Variants in ZMAT4 observed in about 807,000 individuals in gnomAD.
ZMAT4 encodes zinc finger matrin-type 4.
In ZMAT4, 17 loss-of-function variants were observed where a neutral mutation model predicts 28.7. That is an observed-to-expected ratio of 0.59 (90% confidence interval 0.41 to 0.89). The LOEUF is 0.89. Among genes scored for constraint, ZMAT4 ranks in the 40% least tolerant of loss-of-function variants. The probability of loss-of-function intolerance (pLI) is 0.00; values close to 1 mark genes in which losing one functional copy is unlikely to be tolerated. For missense variants in ZMAT4, 240 were observed against 283.8 expected (o/e 0.85, Z 1.11); for synonymous variants, 117 against 109.2 (o/e 1.07, Z -0.44).
intron 2 of ZMAT4, among the ~76,000 whole-genome samples, chr8:40,815,651 C>G (rs1815503972): frequency 6.6e-6 from 1 of 152,172 alleles, no homozygotes; most frequent in Non-Finnish European, 1.5e-5. Flanking sequence ...GAGCTCAGGA[C>G]CTAGGAGACA....
chr8:40,687,464 A>C (rs1302902931), intron 4 of ZMAT4, among the ~76,000 whole-genome samples: 1 of 152,192 alleles, frequency 6.6e-6, no homozygotes, highest in Non-Finnish European at 1.5e-5. Flanking sequence ...AATGAGAAAG[A>C]GTTAAATAGA....
intron 5 of ZMAT4, among the ~76,000 whole-genome samples, chr8:40,605,070 C>T (rs1805533583): frequency 6.6e-6 from 1 of 152,128 alleles, no homozygotes; most frequent in Non-Finnish European, 1.5e-5. Context: ...GAACTTCTCT[C>T]TTATTTTCTT....
At chr8:40,733,774 A>C (rs555558792) in intron 3 of ZMAT4, among the ~76,000 whole-genome samples, 1 of 152,302 alleles carries the variant, frequency 6.6e-6, no homozygotes, top group Non-Finnish European at 1.5e-5. Context: ...GCAGGAATGA[A>C]GAGTTTTCTA....
In ZMAT4 at chr8:40,533,497, C is replaced by T. The variant is rs563245118; in HGVS notation, c.675-1259G>A. On this transcript the variant is annotated intron_variant, in intron 6 of 6. Transcript: ENST00000297737. ...CTCTTTTCACAGGTTTTCCCATCTTCCTTCGCTAAGGTCCAAATGTCTCAC... is the reference window on the plus strand; with the variant it reads ...CTCTTTTCACAGGTTTTCCCATCTTTCTTCGCTAAGGTCCAAATGTCTCAC... Among the ~76,000 whole-genome samples, 8 of 152,292 alleles carry T rather than the reference C, an allele frequency of 5.3e-5. No individual in the cohort carries two copies. The East Asian group carries it at 1.5e-3, about 29-fold the overall frequency.
intron 2 of ZMAT4, among the ~76,000 whole-genome samples, chr8:40,798,501 T>C (rs1320876892): frequency 2.0e-5 from 3 of 152,274 alleles, no homozygotes; most frequent in East Asian, 3.9e-4. Flanking sequence ...AATAAATACC[T>C]CTTACTCCCT....
chr8:40,829,251 C>T (rs1416685359), intron 1 of ZMAT4, among the ~76,000 whole-genome samples: 3 of 152,192 alleles, frequency 2.0e-5, no homozygotes, highest in Admixed American at 6.5e-5. Flanking sequence ...CCAGGCCCAG[C>T]ACATTGCAAA....
intron 6 of ZMAT4, among the ~76,000 whole-genome samples, chr8:40,569,679 C>T (rs898718858): frequency 4.6e-5 from 7 of 152,120 alleles, no homozygotes; most frequent in East Asian, 3.9e-4. Context: ...CCTGTAAAAC[C>T]GACTTTATCC....
intron 5 of ZMAT4, among the ~76,000 whole-genome samples, chr8:40,582,393 A>T (rs1292738579): frequency 6.6e-6 from 1 of 152,190 alleles, no homozygotes; most frequent in East Asian, 1.9e-4. Context: ...CTAGCTACTC[A>T]GGAGGCTGAG....
chr8:40,547,389 A>C (rs898266127), intron 6 of ZMAT4, among the ~76,000 whole-genome samples: 1 of 152,248 alleles, frequency 6.6e-6, no homozygotes, highest in Admixed American at 6.5e-5. Context: ...AAGAAGCCTC[A>C]TCTTCATTCT....
intron 5 of ZMAT4, among the ~76,000 whole-genome samples, chr8:40,611,484 G>T (rs1805793213): frequency 2.0e-5 from 3 of 152,108 alleles, no homozygotes; most frequent in Admixed American, 2.0e-4. Flanking sequence ...GGGAATATAG[G>T]CGCACGCCAC....
At chr8:40,651,837 T>C (rs1807672624) in intron 5 of ZMAT4, among the ~76,000 whole-genome samples, 1 of 130,434 alleles carries the variant, frequency 7.7e-6, no homozygotes, top group Non-Finnish European at 1.6e-5. Context: ...GGGGAAAGGA[T>C]TCCCTATTTA....
At chr8:40,617,196 A>G (rs947031210) in intron 5 of ZMAT4, among the ~76,000 whole-genome samples, 3 of 152,208 alleles carry the variant, frequency 2.0e-5, no homozygotes, top group Non-Finnish European at 4.4e-5. Flanking sequence ...GTAAAAATAC[A>G]GAGTACTTCC....
At chr8:40,643,337 T>C (rs1331683233) in intron 5 of ZMAT4, among the ~76,000 whole-genome samples, 3 of 152,180 alleles carry the variant, frequency 2.0e-5, no homozygotes, top group Non-Finnish European at 4.4e-5. Context: ...AGATGTCTCA[T>C]ACTGAAGCAT....
chr8:40,781,638 T>A (rs71519579), intron 2 of ZMAT4, among the ~76,000 whole-genome samples: 23,007 of 145,896 alleles, frequency 0.16, 2,266 homozygotes, highest in Middle Eastern at 0.24. Flanking sequence ...GGCGGGCGCC[T>A]GTAGTCCCAG....
chr8:40,603,620 GTTTA>G (rs1805476318), intron 5 of ZMAT4, among the ~76,000 whole-genome samples: 2 of 151,964 alleles, frequency 1.3e-5, no homozygotes, highest in South Asian at 2.1e-4. Context: ...TGTTTTGTTT[GTTTA>G]TTTGTTTGTT....
At chr8:40,545,180 AGTG>A (rs1803162146) in intron 6 of ZMAT4, among the ~76,000 whole-genome samples, 1 of 151,964 alleles carries the variant, frequency 6.6e-6, no homozygotes, top group African/African-American at 2.4e-5. Context: ...CAACTGCGCG[AGTG>A]AGGTTGAGAG....
chr8:40,815,043 G>A (rs1222192882), intron 2 of ZMAT4, among the ~76,000 whole-genome samples: 1 of 152,154 alleles, frequency 6.6e-6, no homozygotes, highest in Non-Finnish European at 1.5e-5. Flanking sequence ...GGGAGGCCAA[G>A]GCAGGCAGAT....
rs77370093 is a variant in ZMAT4, at chr8:40,859,334, A to T, written c.-4-33654T>A. The stretch of plus-strand genomic sequence containing the variant: ...ACACAAATTCACAAAATGAAAGGCA[A>T]TGCTCCTTCCTTTGCTTCTGCCCTT... On this transcript the variant is annotated intron_variant, in intron 1 of 6. Transcript: ENST00000297737. Among the ~76,000 whole-genome samples, 885 of 152,242 alleles carry T rather than the reference A, an allele frequency of 5.8e-3. 22 individuals carry two copies. Among genetic ancestry groups the T allele is most frequent in the South Asian group, 0.053 (256 of 4,818 alleles).
At chr8:40,547,859 G>A (rs776600717) in intron 6 of ZMAT4, among the ~76,000 whole-genome samples, 2 of 152,178 alleles carry the variant, frequency 1.3e-5, no homozygotes, top group Non-Finnish European at 2.9e-5. Flanking sequence ...ACATTATATA[G>A]GACATTGGAA....
Sources: gnomAD v4.1 joint callset for allele counts (sites outside exome capture counted in the v4.1 genomes callset) on GRCh38, gnomAD v4.1.1 for gene constraint, MANE v1.5 for transcripts, NCBI Gene and HGNC (gene_info 2026-07-23, HGNC 2026-07-21) for gene names.